The following UBP1 variants were observed in gnomAD, a reference collection of about 807,000 sequenced individuals.
UBP1 encodes the protein upstream binding protein 1, also known as upstream-binding protein 1.
Under a neutral mutation model 76.1 loss-of-function variants are expected in UBP1, and 22 were observed. That is an observed-to-expected ratio of 0.29 (90% CI 0.21 to 0.41). The LOEUF (loss-of-function observed/expected upper bound fraction) is 0.41, where lower values mean the gene tolerates loss of function less well. UBP1 is among the 10% of genes least tolerant of loss of function. The pLI is 1.00. For synonymous variants in UBP1, 224 were observed against 237.1 expected, an observed-to-expected ratio of 0.94 and a Z score of 0.51; for missense variants, 436 against 668.1, an observed-to-expected ratio of 0.65 and a Z score of 3.83.
At chr3:33,407,647 A>C (rs942877556) in intron 8 of UBP1, among the ~76,000 whole-genome samples, 2 of 152,214 alleles carry the variant, frequency 1.3e-5, no homozygotes, top group African/African-American at 2.4e-5. Context: ...AGAAGCATTA[A>C]AACATTTTTA....
chr3:33,437,425 A>G (rs1432236199), intron 1 of UBP1, among the ~76,000 whole-genome samples: 1 of 152,180 alleles, frequency 6.6e-6, no homozygotes, highest in Non-Finnish European at 1.5e-5. Flanking sequence ...GCCTAATTTT[A>G]AGTCAGACCA....
intron 13 of UBP1, 136 bp downstream of exon 13, chr3:33,396,026 G>T: frequency 1.5e-6 from 1 of 670,676 alleles, no homozygotes; most frequent in Non-Finnish European, 2.4e-6. Context: ...ACCTCTCATT[G>T]CTGTCAAGGC....
chr3:33,390,712 C>G (rs1375133802), intron 15 of UBP1: 2 of 293,578 alleles, frequency 6.8e-6, no homozygotes, highest in Non-Finnish European at 1.3e-5. Context: ...GTGAAATATA[C>G]TGTGTCAGGG....
At chr3:33,432,060 G>A (rs2045123220) in intron 1 of UBP1, among the ~76,000 whole-genome samples, 2 of 152,182 alleles carry the variant, frequency 1.3e-5, no homozygotes, top group Non-Finnish European at 2.9e-5. Flanking sequence ...GGGTGCAGTG[G>A]CTCACACCTG....
intron 11 of UBP1, chr3:33,398,327 C>T (rs1421200840): frequency 6.6e-6 from 1 of 152,202 alleles, no homozygotes; most frequent in Non-Finnish European, 1.5e-5. Flanking sequence ...CAGAGAAGCA[C>T]ATCTCCCATG....
intron 1 of UBP1, among the ~76,000 whole-genome samples, chr3:33,436,454 A>T (rs2045206478): frequency 6.6e-6 from 1 of 152,240 alleles, no homozygotes; most frequent in Non-Finnish European, 1.5e-5. Flanking sequence ...TTCAAAATAC[A>T]TAATGTATAT....
chr3:33,439,872 C>T lies in UBP1; in HGVS notation c.-24G>A. The stretch of plus-strand genomic sequence containing the variant: ...ATCTTCCGGCCTCGCCGTCGCCCCG[C>T]ACACCGCGGCCTCCGCGTCCAGGGC... On this transcript the variant is annotated 5_prime_UTR_variant, in exon 1 of 16. Coordinates refer to ENST00000283629, the MANE Select transcript of UBP1 (RefSeq NM_014517.5). 6.2e-7 allele frequency: 1 copy of T among 1,609,338 alleles called. No homozygotes were observed. Among genetic ancestry groups the T allele is most frequent in the East Asian group, 2.2e-5 (1 of 44,588 alleles).
chr3:33,416,689 T>C, intron 3 of UBP1, 69 bp downstream of exon 3: 1 of 1,160,760 alleles, frequency 8.6e-7, no homozygotes, highest in Non-Finnish European at 1.2e-6. Context: ...GTGAAATTAA[T>C]TTTTTTTTAA....
In UBP1 at chr3:33,400,262, C is replaced by A. The variant is rs147751266; in HGVS notation, c.1107G>T (p.Thr369=). The change falls in exon 11 of 16, where the codon ACG becomes ACT. Residue 369 remains threonine, a synonymous_variant. Transcript: ENST00000283629. ...GCAGCCATTGCTGTGTTTCCTGGAT[C>A]GTAGCTGAAGGCTGAATTTGCTATT... ...TSGEQIQPSA[T]IQETQQWLLK... 34 of 1,600,816 alleles carry A rather than the reference C, an allele frequency of 2.1e-5. No individual in the cohort carries two copies. Among genetic ancestry groups the A allele is most frequent in the Non-Finnish European group, 2.5e-5 (29 of 1,176,218 alleles).
chr3:33,391,905 C>A, intron 15 of UBP1: 1 of 152,606 alleles, frequency 6.6e-6, no homozygotes, highest in Non-Finnish European at 1.5e-5. Flanking sequence ...CATGCCAGAC[C>A]CGGCCTCCTG....
intron 3 of UBP1, among the ~76,000 whole-genome samples, chr3:33,413,328 C>G (rs1205546454): frequency 1.6e-5 from 2 of 125,116 alleles, no homozygotes; most frequent in African/African-American, 3.2e-5. Flanking sequence ...GGGAGGATCA[C>G]GAGGTCAGGG....
chr3:33,427,029 G>GGTA (rs2045029231), intron 1 of UBP1, among the ~76,000 whole-genome samples: 1 of 152,156 alleles, frequency 6.6e-6, no homozygotes, highest in Non-Finnish European at 1.5e-5. Flanking sequence ...GTGCAGTGGT[G>GGTA]GTATCTTGGC....
chr3:33,435,156 T>G (rs1054569579), intron 1 of UBP1, among the ~76,000 whole-genome samples: 4 of 152,254 alleles, frequency 2.6e-5, no homozygotes, highest in Non-Finnish European at 5.9e-5. Flanking sequence ...AATAAATGTT[T>G]TAAATGAGTT....
chr3:33,412,658 A>C (rs1467888034), intron 4 of UBP1, 64 bp downstream of exon 4: 1 of 1,076,810 alleles, frequency 9.3e-7, no homozygotes, highest in Non-Finnish European at 1.4e-6. Flanking sequence ...TGCCAACACA[A>C]CACATTACTG....
chr3:33,438,572 G>A (rs575329749), intron 1 of UBP1, among the ~76,000 whole-genome samples: 53 of 152,312 alleles, frequency 3.5e-4, no homozygotes, highest in Middle Eastern at 3.4e-3. Flanking sequence ...AGAGAGAAGA[G>A]GTGCCAAGTT....
intron 8 of UBP1, among the ~76,000 whole-genome samples, chr3:33,408,451 T>C (rs536855960): frequency 6.6e-6 from 1 of 152,270 alleles, no homozygotes; most frequent in African/African-American, 2.4e-5. Context: ...TGTCTTTTTT[T>C]CCCTCCAAAA....
intron 10 of UBP1, among the ~76,000 whole-genome samples, chr3:33,400,707 GA>G (rs2044192903): frequency 6.6e-6 from 1 of 152,074 alleles, no homozygotes; most frequent in African/African-American, 2.4e-5. Flanking sequence ...AGAAGAACTG[GA>G]TTAAAGGGTG....
At chr3:33,399,622 A>G (rs1485200041) in intron 11 of UBP1, among the ~76,000 whole-genome samples, 1 of 152,218 alleles carries the variant, frequency 6.6e-6, no homozygotes, top group African/African-American at 2.4e-5. Context: ...CAGAATGTAA[A>G]GTGGTTGCCA....
Position 33,396,673 on chromosome 3 carries a change from A to C in UBP1, c.1271+372T>G, listed in dbSNP as rs1198362746. 4 of 420,830 alleles carry C rather than the reference A, an allele frequency of 9.5e-6. No homozygotes were observed. In the East Asian group the frequency reaches 1.7e-4, roughly 18 times the overall value. 26.1% of individuals were successfully genotyped at this position (420,830 alleles called of 1,614,324 possible). On this transcript the variant is annotated intron_variant, in intron 12 of 15. Transcript: ENST00000283629. ...ACAGTTTCTGTCATTTTAATTCACA[A>C]TTAGTTTACATTTTTAATAACTGTT...
Sources: allele counts gnomAD v4.1 joint callset (sites outside exome capture counted in the v4.1 genomes callset), GRCh38; gene constraint gnomAD v4.1.1; transcripts MANE v1.5; gene names NCBI Gene and HGNC (gene_info 2026-07-23, HGNC 2026-07-21).